The following AUTS2 variants were observed in gnomAD, a reference collection of about 807,000 sequenced individuals.
AUTS2 encodes the protein activator of transcription and developmental regulator AUTS2.
Under a neutral mutation model 112.4 loss-of-function variants are expected in AUTS2, and 17 were observed. The observed-to-expected ratio is 0.15, with a 90% CI of 0.10 to 0.23. AUTS2 has a LOEUF of 0.23. Ranked by LOEUF, AUTS2 falls within the 10% of genes least tolerant of loss-of-function variation. The probability of loss-of-function intolerance (pLI) is 1.00; values close to 1 mark genes in which losing one functional copy is unlikely to be tolerated. For synonymous variants in AUTS2, 751 were observed against 702.7 expected, an observed-to-expected ratio of 1.07 and a Z score of -1.09; for missense variants, 1,510 against 1,701.6, an observed-to-expected ratio of 0.89 and a Z score of 1.98.
chr7:69,612,656 A>C (rs992417429), intron 1 of AUTS2, among the ~76,000 whole-genome samples: 1 of 151,768 alleles, frequency 6.6e-6, no homozygotes, highest in Non-Finnish European at 1.5e-5. Flanking sequence ...GAGTCTTCCT[A>C]TGTTGCTTAG....
intron 2 of AUTS2, among the ~76,000 whole-genome samples, chr7:70,080,420 G>A (rs991336694): frequency 3.3e-5 from 5 of 152,106 alleles, no homozygotes; most frequent in Non-Finnish European, 5.9e-5. Flanking sequence ...TCATTCTTCA[G>A]GTACAACCAT....
chr7:69,705,502 G>A (rs1798025752), intron 1 of AUTS2, among the ~76,000 whole-genome samples: 1 of 152,192 alleles, frequency 6.6e-6, no homozygotes, highest in Non-Finnish European at 1.5e-5. Flanking sequence ...CAAGGCTGTA[G>A]AATTGCTATG....
chr7:70,561,490 G>A (rs543527397), intron 5 of AUTS2, among the ~76,000 whole-genome samples: 7 of 152,268 alleles, frequency 4.6e-5, no homozygotes, highest in South Asian at 2.1e-4. Flanking sequence ...GCCTGGCATA[G>A]TGGCACGCAC....
intron 4 of AUTS2, among the ~76,000 whole-genome samples, chr7:70,342,688 G>A (rs750925125): frequency 6.6e-6 from 1 of 152,170 alleles, no homozygotes; most frequent in Non-Finnish European, 1.5e-5. Context: ...CAGGGCAGAT[G>A]TAGATCTCTT....
intron 4 of AUTS2, among the ~76,000 whole-genome samples, chr7:70,169,461 T>C (rs2129578515): frequency 6.6e-6 from 1 of 152,260 alleles, no homozygotes; most frequent in Admixed American, 6.5e-5. Flanking sequence ...CAGGACGCTT[T>C]TGATCTCCCG....
intron 1 of AUTS2, among the ~76,000 whole-genome samples, chr7:69,889,294 T>C (rs1755049843): frequency 6.6e-6 from 1 of 152,244 alleles, no homozygotes; most frequent in African/African-American, 2.4e-5. Flanking sequence ...ATTGTCCTTA[T>C]GGAGGTAATT....
At chr7:70,255,299 CCT>C (rs1354312232) in intron 4 of AUTS2, among the ~76,000 whole-genome samples, 2 of 151,930 alleles carry the variant, frequency 1.3e-5, no homozygotes, top group African/African-American at 4.8e-5. Context: ...GTCTCGAACT[CCT>C]GACCTCGTTA....
At chr7:69,884,789 A>G (rs1354591473) in intron 1 of AUTS2, among the ~76,000 whole-genome samples, 4 of 152,326 alleles carry the variant, frequency 2.6e-5, no homozygotes, top group East Asian at 3.9e-4. Flanking sequence ...TTTCAAGTCA[A>G]TGTAGTAGCC....
At chr7:70,228,963 T>C (rs951296771) in intron 4 of AUTS2, among the ~76,000 whole-genome samples, 1 of 151,968 alleles carries the variant, frequency 6.6e-6, no homozygotes, top group Non-Finnish European at 1.5e-5. Flanking sequence ...TATGGCTTGG[T>C]AGCATTTCTT....
At chr7:70,263,495 ATAT>A (rs1287094845) in intron 4 of AUTS2, among the ~76,000 whole-genome samples, 4 of 152,180 alleles carry the variant, frequency 2.6e-5, no homozygotes, top group Admixed American at 6.5e-5. Context: ...ATAATCTCAG[ATAT>A]TATTCATGTA....
rs147907031 is a variant in AUTS2, at chr7:70,033,890, G to A, written c.523-84242G>A. ...TAGATAGGAGGAATAAGTTCTGTTG[G>A]TCTGTAGCATATTAGGGTGAACACC... On this transcript the variant is annotated intron_variant, in intron 2 of 18. Coordinates refer to ENST00000342771, the MANE Select transcript of AUTS2 (RefSeq NM_015570.4). Among the ~76,000 whole-genome samples the A allele has an allele frequency of 1.4e-3, 220 of 152,176 alleles. 3 individuals carry two copies. Among genetic ancestry groups the A allele is most frequent in the Admixed American group, 0.012 (181 of 15,266 alleles).
At chr7:70,619,688 G>A (rs560259758) in intron 5 of AUTS2, among the ~76,000 whole-genome samples, 1 of 152,222 alleles carries the variant, frequency 6.6e-6, no homozygotes, top group East Asian at 1.9e-4. Context: ...CATTTGAGCT[G>A]TGGCAGCTAG....
intron 1 of AUTS2, among the ~76,000 whole-genome samples, chr7:69,807,849 G>C (rs1453026894): frequency 6.6e-6 from 1 of 151,866 alleles, no homozygotes; most frequent in Non-Finnish European, 1.5e-5. Context: ...AATCTTGCAA[G>C]TCAGACACTG....
chr7:69,995,340 C>A (rs749652012), intron 2 of AUTS2, among the ~76,000 whole-genome samples: 1 of 152,152 alleles, frequency 6.6e-6, no homozygotes, highest in African/African-American at 2.4e-5. Context: ...TAATTTCTTT[C>A]ATTTACACAG....
chr7:70,402,210 T>C (rs1348233724), intron 4 of AUTS2, among the ~76,000 whole-genome samples: 1 of 152,218 alleles, frequency 6.6e-6, no homozygotes, highest in Non-Finnish European at 1.5e-5. Flanking sequence ...TGAGCAACAG[T>C]AGAAAAGAAG....
intron 4 of AUTS2, among the ~76,000 whole-genome samples, chr7:70,362,603 C>A (rs1179200264): frequency 6.6e-6 from 1 of 151,954 alleles, no homozygotes; most frequent in African/African-American, 2.4e-5. Flanking sequence ...AGTAGTTCCT[C>A]TTTCTCTCCC....
chr7:70,516,159 A>G (rs1157066361), intron 5 of AUTS2, among the ~76,000 whole-genome samples: 3 of 152,312 alleles, frequency 2.0e-5, no homozygotes, highest in East Asian at 3.9e-4. Context: ...GAACAGAGAG[A>G]CAGTAATGTA....
At chr7:70,673,016 C>T (rs112636130) in intron 5 of AUTS2, among the ~76,000 whole-genome samples, 30 of 152,332 alleles carry the variant, frequency 2.0e-4, no homozygotes, top group African/African-American at 6.0e-4. Flanking sequence ...GGTGACACAG[C>T]AGGGCACTTG....
At chr7:70,205,723 C>T (rs574176266) in intron 4 of AUTS2, among the ~76,000 whole-genome samples, 10 of 152,196 alleles carry the variant, frequency 6.6e-5, no homozygotes, top group Non-Finnish European at 1.3e-4. Context: ...TTTCTCAGAA[C>T]GTATGCCCAT....
Sources: allele counts gnomAD v4.1 joint callset (sites outside exome capture counted in the v4.1 genomes callset), GRCh38; gene constraint gnomAD v4.1.1; transcripts MANE v1.5; gene names NCBI Gene and HGNC (gene_info 2026-07-23, HGNC 2026-07-21).